The following PDE1A variants were observed in gnomAD, a reference collection of about 807,000 sequenced individuals.
PDE1A encodes the protein phosphodiesterase 1A.
A neutral mutation model predicts 61.7 loss-of-function variants in PDE1A; 35 were observed. That is an observed-to-expected ratio of 0.57 (90% CI 0.43 to 0.75). The LOEUF is 0.75. PDE1A is among the 30% of genes least tolerant of loss of function. PDE1A has a pLI of 0.00. For missense variants in PDE1A, 597 were observed against 630.6 expected (o/e 0.95, Z 0.57); for synonymous variants, 232 against 213.2 (o/e 1.09, Z -0.77).
the PDE1A span, among the ~76,000 whole-genome samples, chr2:182,671,030 T>C: frequency 8.6e-5 from 13 of 151,882 alleles, no homozygotes; most frequent in African/African-American, 2.4e-4. Context: ...GTTGGCCAGG[T>C]TGGTCTCAAA....
At chr2:182,601,391 C>T in the PDE1A span, among the ~76,000 whole-genome samples, 25 of 152,356 alleles carry the variant, frequency 1.6e-4, no homozygotes, top group African/African-American at 5.1e-4. Context: ...ATTCCAAAAA[C>T]CATAGGGCCT....
the PDE1A span, among the ~76,000 whole-genome samples, chr2:182,704,988 T>TTTTTTTTGA: frequency 2.6e-5 from 4 of 152,090 alleles, no homozygotes; most frequent in African/African-American, 9.7e-5. Flanking sequence ...AAAAACAGTA[T>TTTTTTTTGA]TTTTTTTGAT....
At chr2:182,290,938 A>G (rs1194810093) in intron 1 of PDE1A, among the ~76,000 whole-genome samples, 1 of 152,036 alleles carries the variant, frequency 6.6e-6, no homozygotes, top group Non-Finnish European at 1.5e-5. Context: ...TGGCACCAAC[A>G]TTCGCCCAGT....
chr2:182,410,339 C>T (rs896880428), intron 1 of PDE1A, among the ~76,000 whole-genome samples: 1 of 151,910 alleles, frequency 6.6e-6, no homozygotes, highest in Non-Finnish European at 1.5e-5. Flanking sequence ...TGCACCCCAG[C>T]CTGGGTAACA....
the PDE1A span, among the ~76,000 whole-genome samples, chr2:182,578,841 G>A: frequency 6.6e-6 from 1 of 152,110 alleles, no homozygotes; most frequent in Admixed American, 6.6e-5. Flanking sequence ...GTTGAAGGGA[G>A]TATTATCAGC....
intron 2 of PDE1A, among the ~76,000 whole-genome samples, chr2:182,263,153 T>G (rs768273535): frequency 4.6e-5 from 7 of 152,158 alleles, no homozygotes; most frequent in Non-Finnish European, 8.8e-5. Context: ...CTCACCTCCA[T>G]ATTCCCACTC....
upstream of PDE1A, among the ~76,000 whole-genome samples, chr2:182,524,510 C>A (rs1690737125): frequency 1.3e-5 from 2 of 152,086 alleles, no homozygotes. Flanking sequence ...TAACTTCTAT[C>A]ACACATTGAT....
rs192564451 is a variant in PDE1A, at chr2:182,478,123, C to T, written c.101+44153G>A. Among the ~76,000 whole-genome samples the T allele has an allele frequency of 3.1e-3, 471 of 151,992 alleles. 5 individuals are homozygous for T. Among genetic ancestry groups the T allele is most frequent in the Non-Finnish European group, 4.3e-3 (293 of 67,896 alleles). The stretch of plus-strand genomic sequence containing the variant: ...ACACCAACGTGAAAACGATCCATTG[C>T]TAAACTTTTTTTGTTTCTTTGATGA... On this transcript the variant is annotated intron_variant, in intron 2 of 14. Coordinates refer to the PDE1A transcript ENST00000410103.
chr2:182,386,921 C>G (rs1701140180), intron 1 of PDE1A, among the ~76,000 whole-genome samples: 1 of 152,214 alleles, frequency 6.6e-6, no homozygotes. Context: ...GGGAGGCGCA[C>G]CCAACAGCTC....
At chr2:182,612,543 A>C in the PDE1A span, among the ~76,000 whole-genome samples, 1 of 152,340 alleles carries the variant, frequency 6.6e-6, no homozygotes, top group Admixed American at 6.5e-5. Flanking sequence ...ACAGGAAAAA[A>C]AATGACAACA....
At chr2:182,206,033 G>C (rs1574688067) in exon 8 of PDE1A, 2 of 1,610,972 alleles carry the variant, frequency 1.2e-6, no homozygotes, top group African/African-American at 1.3e-5. Flanking sequence ...CTCAAGGACA[G>C]AGCGATCATT....
chr2:182,296,759 C>A (rs1178134054), intron 1 of PDE1A, among the ~76,000 whole-genome samples: 1 of 152,088 alleles, frequency 6.6e-6, no homozygotes, highest in Non-Finnish European at 1.5e-5. Flanking sequence ...GAGTGTTTCC[C>A]AATTAGATTA....
intron 1 of PDE1A, among the ~76,000 whole-genome samples, chr2:182,297,963 T>C (rs1214568478): frequency 2.0e-5 from 3 of 152,240 alleles, no homozygotes; most frequent in African/African-American, 7.2e-5. Flanking sequence ...GACCAGCAGC[T>C]GGTCTGCTTG....
chr2:182,671,433 C>T, the PDE1A span, among the ~76,000 whole-genome samples: 1 of 148,670 alleles, frequency 6.7e-6, no homozygotes, highest in Admixed American at 6.7e-5. Context: ...CGTGATCCAC[C>T]GGTCTCAACC....
At chr2:182,380,345 C>A (rs1034906733) in intron 1 of PDE1A, among the ~76,000 whole-genome samples, 1 of 151,964 alleles carries the variant, frequency 6.6e-6, no homozygotes, top group African/African-American at 2.4e-5. Flanking sequence ...ATCTCCTGAT[C>A]TCGTGATCCA....
At chr2:182,690,564 G>A in the PDE1A span, among the ~76,000 whole-genome samples, 1 of 152,140 alleles carries the variant, frequency 6.6e-6, no homozygotes, top group Non-Finnish European at 1.5e-5. Flanking sequence ...CAAACCCACA[G>A]CCAATATCAT....
At chr2:182,622,699 T>G in the PDE1A span, among the ~76,000 whole-genome samples, 1 of 152,206 alleles carries the variant, frequency 6.6e-6, no homozygotes, top group African/African-American at 2.4e-5. Flanking sequence ...GGTACTGACC[T>G]GGGCTGAGAT....
the PDE1A span, among the ~76,000 whole-genome samples, chr2:182,572,653 G>A: frequency 6.6e-5 from 10 of 150,886 alleles, no homozygotes; most frequent in East Asian, 3.9e-4. Flanking sequence ...GGCGGATCAC[G>A]AGGTCAGGAG....
At chr2:182,689,883 C>A in the PDE1A span, among the ~76,000 whole-genome samples, 1 of 152,188 alleles carries the variant, frequency 6.6e-6, no homozygotes, top group Non-Finnish European at 1.5e-5. Context: ...AAACTACCAT[C>A]AGAGAATACT....
Sources: allele counts gnomAD v4.1 joint callset (sites outside exome capture counted in the v4.1 genomes callset), GRCh38; gene constraint gnomAD v4.1.1; transcripts MANE v1.5; gene names NCBI Gene and HGNC (gene_info 2026-07-23, HGNC 2026-07-21).